The following HEATR5B variants were observed in gnomAD, a reference collection of about 807,000 sequenced individuals.
HEATR5B encodes the protein HEAT repeat-containing protein 5B.
Under a neutral mutation model 224.1 loss-of-function variants are expected in HEATR5B, and 156 were observed. The observed-to-expected ratio is 0.70, with a 90% CI of 0.61 to 0.80. The LOEUF is 0.80. Ranked by LOEUF, HEATR5B falls within the 30% of genes least tolerant of loss-of-function variation. The pLI is 0.00. For synonymous variants in HEATR5B, 1,027 were observed against 893.0 expected, an observed-to-expected ratio of 1.15 and a Z score of -2.68; for missense variants, 2,323 against 2,535.5, an observed-to-expected ratio of 0.92 and a Z score of 1.80.
chr2:37,084,135 G>A lies in HEATR5B; in HGVS notation c.-23+134C>T, dbSNP rs1572967979. On this transcript the variant is annotated intron_variant, in intron 1 of 35. Transcript: ENST00000233099. ...CGCAGGCTGTCAATAGCACGAGGCGGCAGCTCGGAACTAAGCACGGAGCCA... is the reference window on the plus strand; with the variant it reads ...CGCAGGCTGTCAATAGCACGAGGCGACAGCTCGGAACTAAGCACGGAGCCA... 2.2e-5 allele frequency: 4 copies of A among 182,920 alleles called. No individual in the cohort carries two copies. In the East Asian group the frequency reaches 3.9e-4, roughly 18 times the overall value. The allele number at this position is 182,920 out of a possible 1,614,324, so 11.3% of individuals were successfully genotyped here.
At chr2:37,065,679 T>C (rs1210400212) in intron 9 of HEATR5B, 76 bp downstream of exon 9, 3 of 1,238,930 alleles carry the variant, frequency 2.4e-6, no homozygotes, top group East Asian at 2.4e-5. Flanking sequence ...AAGCAACTAA[T>C]CAGGAATTAA....
chr2:36,981,603 G>A lies in HEATR5B; in HGVS notation c.6103C>T (p.Leu2035=). The stretch of plus-strand genomic sequence containing the variant: ...TGGCTTGCTCGAACGGCAGTTTCTA[G>A]ACGCACTTTCAACTCAGGAGCAGCC... ...MGAAPELKVR[L]ETAVRASQAS... Residue 2035 remains leucine (L), a synonymous_variant, in exon 36 of 36, where the codon CTA becomes TTA. Coordinates refer to ENST00000233099, the MANE Select transcript of HEATR5B (RefSeq NM_019024.3). 1.2e-6 allele frequency: 2 copies of A among 1,614,196 alleles called. No homozygotes were observed. The highest frequency in any genetic ancestry group is 1.7e-6 in the Non-Finnish European group (2 of 1,180,048).
intron 33 of HEATR5B, among the ~76,000 whole-genome samples, chr2:36,991,580 C>A (rs1457313368): frequency 6.6e-6 from 1 of 150,900 alleles, no homozygotes; most frequent in Non-Finnish European, 1.5e-5. Context: ...TACATTTATT[C>A]AGGAATAGAT....
chr2:37,028,608 T>C (rs1668926950), intron 23 of HEATR5B, 73 bp downstream of exon 23: 1 of 1,186,146 alleles, frequency 8.4e-7, no homozygotes, highest in Non-Finnish European at 1.2e-6. Flanking sequence ...TGTATCTTTA[T>C]ACATATATCT....
intron 10 of HEATR5B, among the ~76,000 whole-genome samples, chr2:37,064,279 GTTTTTT>G (rs1168347754): frequency 7.9e-6 from 1 of 127,144 alleles, no homozygotes; most frequent in South Asian, 2.6e-4. Flanking sequence ...CTAAGGTTGG[GTTTTTT>G]TTTTTTTTTT....
chr2:37,023,127 A>C (rs187832370), intron 24 of HEATR5B, among the ~76,000 whole-genome samples: 9 of 152,260 alleles, frequency 5.9e-5, no homozygotes, highest in African/African-American at 2.2e-4. Context: ...GGTAGAAAAA[A>C]ATCACAAAGG....
At chr2:37,052,027 AC>A (rs1224019262) in intron 17 of HEATR5B, among the ~76,000 whole-genome samples, 4 of 152,224 alleles carry the variant, frequency 2.6e-5, no homozygotes, top group African/African-American at 9.6e-5. Context: ...GGCATAAGCC[AC>A]CACGCCCAGC....
Position 37,028,874 on chromosome 2 carries a change from A to G in HEATR5B, c.3408T>C (p.His1136=), listed in dbSNP as rs1489451763. The change falls in exon 23 of 36, where the codon CAT becomes CAC. Residue 1136 remains histidine, a synonymous_variant. Transcript: ENST00000233099. ...TTATATTAACACCTTGGTGCCGGCAATGGATATCAGTTCGAGAACTAACCC... is the reference window on the plus strand; with the variant it reads ...TTATATTAACACCTTGGTGCCGGCAGTGGATATCAGTTCGAGAACTAACCC... ...APGVSSRTDI[H]CRHQGVNITE... is the part of the protein sequence containing the mutation. 6.2e-7 allele frequency: 1 copy of G among 1,614,046 alleles called. No individual in the cohort carries two copies. Among genetic ancestry groups the G allele is most frequent in the Non-Finnish European group, 8.5e-7 (1 of 1,179,890 alleles).
chr2:37,083,449 A>G lies in HEATR5B; in HGVS notation c.-22-13T>C. The G allele has an allele frequency of 1.3e-6, 2 of 1,573,600 alleles. No homozygotes were observed. The highest frequency in any genetic ancestry group is 1.7e-6 in the Non-Finnish European group (2 of 1,148,686). The stretch of plus-strand genomic sequence containing the variant: ...TTGAAATTCACACCTTAAATTTAAC[A>G]GAGTAAAAAATACTTGTAAGTATTT... On this transcript the variant is annotated splice_polypyrimidine_tract_variant and intron_variant, in intron 1 of 35. Coordinates refer to ENST00000233099, the MANE Select transcript of HEATR5B (RefSeq NM_019024.3).
intron 28 of HEATR5B, 43 bp downstream of exon 28, chr2:37,008,568 A>T: frequency 7.5e-7 from 1 of 1,339,328 alleles, no homozygotes; most frequent in Non-Finnish European, 1.1e-6. Flanking sequence ...TTTAACTACT[A>T]CTTTGAACTC....
intron 28 of HEATR5B, 82 bp downstream of exon 28, chr2:37,008,529 T>A (rs746903719): frequency 1.1e-6 from 1 of 927,688 alleles, no homozygotes; most frequent in African/African-American, 1.6e-5. Flanking sequence ...TAGCAACTGT[T>A]GTTGCTAGTC....
chr2:37,028,237 TTATTAA>T (rs1173222721), intron 23 of HEATR5B, 63 bp from the exon 24 acceptor site: 53 of 1,013,880 alleles, frequency 5.2e-5, no homozygotes, highest in Non-Finnish European at 6.9e-5. Flanking sequence ...CTTTAAAAAG[TTATTAA>T]TATTAAAATT....
At chr2:36,994,959 C>T (rs1666591097) in intron 33 of HEATR5B, among the ~76,000 whole-genome samples, 2 of 152,000 alleles carry the variant, frequency 1.3e-5, no homozygotes, top group South Asian at 4.1e-4. Context: ...ACCATGTTAG[C>T]TAGGATGGTC....
At chr2:37,010,858 A>C (rs920877062) in intron 27 of HEATR5B, among the ~76,000 whole-genome samples, 5 of 151,820 alleles carry the variant, frequency 3.3e-5, no homozygotes, top group African/African-American at 1.2e-4. Context: ...TCAAATCCTT[A>C]CTAGGTAGGC....
At chr2:37,024,741 G>A (rs1485833127) in intron 24 of HEATR5B, among the ~76,000 whole-genome samples, 1 of 152,170 alleles carries the variant, frequency 6.6e-6, no homozygotes, top group Non-Finnish European at 1.5e-5. Flanking sequence ...TATTTCTCCT[G>A]CACTCTATCA....
Position 37,049,793 on chromosome 2 carries a change from A to T in HEATR5B, c.2556T>A (p.Ser852=). 6.2e-7 allele frequency: 1 copy of T among 1,602,686 alleles called. No homozygotes were observed. The highest frequency in any genetic ancestry group is 8.5e-7 in the Non-Finnish European group (1 of 1,176,070). Reference sequence around the variant, plus strand: ...GAGGACCCATAACCAGTGTCAGGGCAGATTTACGAACTTCCTCAGGTCCTA... The same window carrying T: ...GAGGACCCATAACCAGTGTCAGGGCTGATTTACGAACTTCCTCAGGTCCTA... ...STLGPEEVRK[S]ALTLVMGPLD... The change falls in exon 18 of 36, where the codon TCT becomes TCA. Residue 852 remains serine, a synonymous_variant. Coordinates refer to ENST00000233099, the MANE Select transcript of HEATR5B (RefSeq NM_019024.3).
At chr2:37,014,410 C>T (rs920995197) in intron 26 of HEATR5B, among the ~76,000 whole-genome samples, 1 of 151,746 alleles carries the variant, frequency 6.6e-6, no homozygotes, top group Non-Finnish European at 1.5e-5. Context: ...GATCTGCCTG[C>T]CTCAGCCTCC....
At chr2:36,991,517 T>G (rs1035507828) in intron 33 of HEATR5B, among the ~76,000 whole-genome samples, 1 of 150,294 alleles carries the variant, frequency 6.7e-6, no homozygotes, top group Non-Finnish European at 1.5e-5. Flanking sequence ...AAAAAAAACT[T>G]GGACAATTTC....
rs1671557874 is a variant in HEATR5B at position 37,065,875 on chromosome 2, A to G, written c.1213T>C (p.Ser405Pro). ...VVNDTSGENK[S>P]GAADIAASQH... ...CTTGCTGCAATGTCTGCTGCGCCAG[A>G]TTTGTTTTCTCCACTTGTGTCATTC... Residue 405 changes from serine to proline, a missense_variant, in exon 9 of 36, where the codon TCT becomes CCT. Coordinates refer to ENST00000233099, the MANE Select transcript of HEATR5B (RefSeq NM_019024.3). 6.2e-7 allele frequency: 1 copy of G among 1,613,278 alleles called. No individual in the cohort carries two copies.
Sources: gnomAD v4.1 joint callset for allele counts (sites outside exome capture counted in the v4.1 genomes callset) on GRCh38, gnomAD v4.1.1 for gene constraint, MANE v1.5 for transcripts, NCBI Gene and HGNC (gene_info 2026-07-23, HGNC 2026-07-21) for gene names.